Variants in SYT9 observed in about 807,000 individuals in gnomAD.
SYT9 encodes synaptotagmin 9, also known as synaptotagmin-9.
SYT9 carries 22 observed loss-of-function variants against 48.4 expected under a neutral mutation model. The observed-to-expected ratio is 0.45, with a 90% CI of 0.32 to 0.65. The LOEUF is 0.65. Ranked by LOEUF, SYT9 falls within the 30% of genes least tolerant of loss-of-function variation. The pLI, the probability that SYT9 is intolerant of heterozygous loss-of-function variation, is 0.03. For missense variants in SYT9, 577 were observed against 622.0 expected (o/e 0.93, Z 0.77); for synonymous variants, 265 against 245.0 (o/e 1.08, Z -0.76).
At chr11:7,450,719 G>C (rs182845687) in intron 6 of SYT9, among the ~76,000 whole-genome samples, 11 of 152,320 alleles carry the variant, frequency 7.2e-5, no homozygotes, top group African/African-American at 2.6e-4. Flanking sequence ...TTATCATCAA[G>C]ATGAATCTCA....
intron 1 of SYT9, among the ~76,000 whole-genome samples, chr11:7,299,439 T>G (rs191028535): frequency 6.6e-6 from 1 of 152,204 alleles, no homozygotes; most frequent in East Asian, 1.9e-4. Context: ...GTGTTTCCTA[T>G]AGGCATTTCT....
chr11:7,329,260 C>A (rs1849487469), intron 3 of SYT9, among the ~76,000 whole-genome samples: 1 of 152,042 alleles, frequency 6.6e-6, no homozygotes, highest in African/African-American at 2.4e-5. Flanking sequence ...AATTTCTTTA[C>A]ATCTGTTTTT....
At chr11:7,400,003 A>G (rs990621231) in intron 3 of SYT9, among the ~76,000 whole-genome samples, 1 of 152,214 alleles carries the variant, frequency 6.6e-6, no homozygotes, top group Non-Finnish European at 1.5e-5. Context: ...CTCATCCTCC[A>G]GCTGAAATTT....
upstream of SYT9, among the ~76,000 whole-genome samples, chr11:7,247,570 C>CATATAT (rs1847806819): frequency 7.4e-6 from 1 of 134,530 alleles, no homozygotes; most frequent in African/African-American, 2.8e-5. Context: ...CACATATATA[C>CATATAT]ACATATACAT....
At chr11:7,429,015 G>A (rs1174245051) in intron 6 of SYT9, among the ~76,000 whole-genome samples, 1 of 152,130 alleles carries the variant, frequency 6.6e-6, no homozygotes, top group African/African-American at 2.4e-5. Context: ...GGAATAGGTG[G>A]TTTTAGTACT....
chr11:7,445,271 G>A (rs1847905709), intron 6 of SYT9, among the ~76,000 whole-genome samples: 1 of 152,154 alleles, frequency 6.6e-6, no homozygotes, highest in Non-Finnish European at 1.5e-5. Flanking sequence ...GAAAAGGAGA[G>A]AGGCAGAAGG....
intron 1 of SYT9, among the ~76,000 whole-genome samples, chr11:7,302,362 C>T (rs1589927336): frequency 6.6e-6 from 1 of 152,124 alleles, no homozygotes; most frequent in African/African-American, 2.4e-5. Context: ...TCCTGTGTTT[C>T]CTTCTCCTTC....
At chr11:7,314,057 G>A in intron 3 of SYT9, 116 bp downstream of exon 3, 3 of 1,242,666 alleles carry the variant, frequency 2.4e-6, no homozygotes, top group Admixed American at 2.1e-5. Context: ...TGTACATGTA[G>A]CAGTTATTTC....
At chr11:7,414,254 G>A (rs370653804) in intron 3 of SYT9, among the ~76,000 whole-genome samples, 1 of 152,334 alleles carries the variant, frequency 6.6e-6, no homozygotes, top group South Asian at 2.1e-4. Context: ...GGTTAATTCT[G>A]TATTTACTTT....
chr11:7,418,450 G>A (rs1254147380), intron 5 of SYT9, among the ~76,000 whole-genome samples: 6 of 152,104 alleles, frequency 3.9e-5, no homozygotes, highest in South Asian at 2.1e-4. Flanking sequence ...GAGAGCTGTG[G>A]CCCCACAGGT....
intron 3 of SYT9, among the ~76,000 whole-genome samples, chr11:7,367,041 C>G (rs1437636842): frequency 7.7e-6 from 1 of 130,190 alleles, no homozygotes; most frequent in Non-Finnish European, 1.6e-5. Flanking sequence ...CAAATGCCCT[C>G]TTATCATTAC....
intron 1 of SYT9, among the ~76,000 whole-genome samples, chr11:7,254,338 A>T (rs997576428): frequency 1.3e-5 from 2 of 152,254 alleles, no homozygotes; most frequent in East Asian, 3.9e-4. Context: ...TTTCGAGTGC[A>T]AGGTGAGAGG....
At chr11:7,384,502 C>G (rs1028400071) in intron 3 of SYT9, among the ~76,000 whole-genome samples, 26 of 152,148 alleles carry the variant, frequency 1.7e-4, no homozygotes, top group African/African-American at 6.3e-4. Context: ...ATCACTTCTT[C>G]CATTAGAAAA....
At chr11:7,427,691 G>A (rs1847489336) in intron 6 of SYT9, 2 of 152,036 alleles carry the variant, frequency 1.3e-5, no homozygotes, top group Non-Finnish European at 2.9e-5. Flanking sequence ...ATAGGAATGG[G>A]GTATTTTTTG....
chr11:7,416,753 G>A lies in SYT9; in HGVS notation c.1165+591G>A, dbSNP rs142342135. On this transcript the variant is annotated intron_variant, in intron 4 of 6. Coordinates refer to ENST00000318881, the MANE Select transcript of SYT9 (RefSeq NM_175733.4). ...CCTTGGATTTTCCTATCTGTGAAGG[G>A]TCCTGAAACCAATTCCTTGTGGATA... 9.8e-3 allele frequency among the ~76,000 whole-genome samples: 1,489 copies of A among 152,226 alleles called. 16 individuals are homozygous for A. Among genetic ancestry groups the A allele is most frequent in the Non-Finnish European group, 0.017 (1,127 of 68,008 alleles).
chr11:7,336,934 T>C (rs1849640453), intron 3 of SYT9, among the ~76,000 whole-genome samples: 1 of 152,210 alleles, frequency 6.6e-6, no homozygotes. Flanking sequence ...TTAAATTGCT[T>C]TGGGCAGTGT....
intron 3 of SYT9, among the ~76,000 whole-genome samples, chr11:7,345,076 T>G (rs1849776813): frequency 6.6e-6 from 1 of 152,178 alleles, no homozygotes; most frequent in Non-Finnish European, 1.5e-5. Context: ...TCTCTCTCCA[T>G]TTAGTACATC....
chr11:7,372,282 GT>G (rs977108278), intron 3 of SYT9, among the ~76,000 whole-genome samples: 2 of 151,980 alleles, frequency 1.3e-5, no homozygotes, highest in Non-Finnish European at 1.5e-5. Context: ...TTTATGTGGG[GT>G]TTTTTTGCTC....
chr11:7,460,514 A>T (rs1446873444), intron 6 of SYT9, among the ~76,000 whole-genome samples: 3 of 152,134 alleles, frequency 2.0e-5, no homozygotes, highest in African/African-American at 7.2e-5. Flanking sequence ...AATTGTTCTC[A>T]ATCATGTAAC....
Sources: allele counts gnomAD v4.1 joint callset (sites outside exome capture counted in the v4.1 genomes callset), GRCh38; gene constraint gnomAD v4.1.1; transcripts MANE v1.5; gene names NCBI Gene and HGNC (gene_info 2026-07-23, HGNC 2026-07-21).